CCDC102B: variants seen among roughly 807,000 people sequenced by gnomAD.
The protein encoded by CCDC102B is coiled-coil domain containing 102B, also known as coiled-coil domain-containing protein 102B.
A neutral mutation model predicts 57.4 loss-of-function variants in CCDC102B; 75 were observed. The ratio of observed to expected loss-of-function variants is 1.31; its 90% CI spans 1.08 to 1.58. The LOEUF is 1.58. Among genes scored for constraint, CCDC102B ranks in the 40% most tolerant of loss-of-function variants. The probability of loss-of-function intolerance (pLI) is 0.00; values close to 1 mark genes in which losing one functional copy is unlikely to be tolerated. For missense variants in CCDC102B, 636 were observed against 582.6 expected, an observed-to-expected ratio of 1.09 and a Z score of -0.94; for synonymous variants, 206 against 201.9, an observed-to-expected ratio of 1.02 and a Z score of -0.17.
chr18:68,866,781 G>A (rs1010063733), intron 4 of CCDC102B: 24 of 675,730 alleles, frequency 3.6e-5, no homozygotes, highest in Non-Finnish European at 5.7e-5. Context: ...TTGGTATGTC[G>A]GTGCTTTTGC....
At chr18:69,048,570 A>G (rs1031313868) in intron 7 of CCDC102B, among the ~76,000 whole-genome samples, 1 of 152,120 alleles carries the variant, frequency 6.6e-6, no homozygotes, top group Non-Finnish European at 1.5e-5. Flanking sequence ...TTACTGAAAA[A>G]TGTCCAAATG....
intron 3 of CCDC102B, among the ~76,000 whole-genome samples, chr18:68,845,181 A>G (rs2037805591): frequency 6.6e-6 from 1 of 151,840 alleles, no homozygotes; most frequent in Non-Finnish European, 1.5e-5. Context: ...GCCTAACACT[A>G]CTTTGAATTA....
In CCDC102B at chr18:68,859,894, C is replaced by T. The variant is rs1175295613; in HGVS notation, c.936+13473C>T. Among the ~76,000 whole-genome samples, 4 of 83,010 alleles carry T rather than the reference C, an allele frequency of 4.8e-5. 1 individual carries two copies. The highest frequency in any genetic ancestry group is 7.7e-4 in the East Asian group (2 of 2,598). 54.5% of individuals were successfully genotyped at this position (83,010 alleles called of 152,430 possible). A position where few individuals can be genotyped will look rare whatever the true frequency, so the allele number is the denominator to read the frequency against. On this transcript the variant is annotated intron_variant, in intron 4 of 7. Coordinates refer to ENST00000360242, the MANE Select transcript of CCDC102B (RefSeq NM_024781.3). Reference sequence around the variant, plus strand: ...TCAACCATTGTGGAGGTCAGTGTGGCGATTCCTCAGGGATCTAGAACTAGA... The same window carrying T: ...TCAACCATTGTGGAGGTCAGTGTGGTGATTCCTCAGGGATCTAGAACTAGA...
chr18:68,806,874 G>A (rs1350707968), intron 1 of CCDC102B, among the ~76,000 whole-genome samples: 2 of 151,934 alleles, frequency 1.3e-5, no homozygotes, highest in East Asian at 1.9e-4. Context: ...AGTACTCACC[G>A]AACATCACAA....
At chr18:68,727,161 G>A (rs1168803232) in intron 2 of CCDC102B, among the ~76,000 whole-genome samples, 1 of 152,208 alleles carries the variant, frequency 6.6e-6, no homozygotes, top group Non-Finnish European at 1.5e-5. Context: ...AGAGCCTGTA[G>A]TTGAAGCTGT....
chr18:68,968,225 G>T (rs766586824), intron 6 of CCDC102B, among the ~76,000 whole-genome samples: 2 of 152,102 alleles, frequency 1.3e-5, no homozygotes, highest in Non-Finnish European at 2.9e-5. Context: ...ATAGCCAACT[G>T]TTCCTGGGTA....
chr18:68,720,376 G>A (rs2032258277), intron 2 of CCDC102B, among the ~76,000 whole-genome samples: 1 of 152,104 alleles, frequency 6.6e-6, no homozygotes, highest in Non-Finnish European at 1.5e-5. Context: ...ATTTGCATTT[G>A]GTCTTAGTGA....
chr18:69,025,546 C>A (rs1481708752), intron 7 of CCDC102B, among the ~76,000 whole-genome samples: 1 of 152,160 alleles, frequency 6.6e-6, no homozygotes, highest in East Asian at 1.9e-4. Flanking sequence ...AAATTATGTT[C>A]TTAGTCTACA....
intron 2 of CCDC102B, among the ~76,000 whole-genome samples, chr18:68,772,863 C>T (rs1264052688): frequency 6.6e-6 from 1 of 151,672 alleles, no homozygotes; most frequent in Admixed American, 6.6e-5. Flanking sequence ...TATAGTTTAC[C>T]AGAAAAATTT....
chr18:68,950,356 C>G (rs1292308509), intron 6 of CCDC102B, among the ~76,000 whole-genome samples: 1 of 152,000 alleles, frequency 6.6e-6, no homozygotes, highest in Non-Finnish European at 1.5e-5. Flanking sequence ...CATTTGTATA[C>G]TTTGATAGAA....
intron 6 of CCDC102B, among the ~76,000 whole-genome samples, chr18:68,943,932 C>CA (rs1223190097): frequency 6.6e-6 from 1 of 152,002 alleles, no homozygotes; most frequent in Non-Finnish European, 1.5e-5. Flanking sequence ...CAAATGGTTA[C>CA]AAAAAAGCAA....
chr18:68,890,907 C>A (rs906524456), intron 5 of CCDC102B, among the ~76,000 whole-genome samples: 1 of 151,966 alleles, frequency 6.6e-6, no homozygotes, highest in Non-Finnish European at 1.5e-5. Flanking sequence ...AATAAAGCTG[C>A]TAATATATTC....
At chr18:68,841,813 A>C (rs1472169337) in intron 3 of CCDC102B, among the ~76,000 whole-genome samples, 2 of 152,084 alleles carry the variant, frequency 1.3e-5, no homozygotes, top group African/African-American at 2.4e-5. Flanking sequence ...GCTCACTGCA[A>C]TCTCAGCCTC....
chr18:68,908,733 TTAAA>T (rs1458130193), intron 6 of CCDC102B: 1 of 152,168 alleles, frequency 6.6e-6, no homozygotes, highest in Non-Finnish European at 1.5e-5. Context: ...GTCTTCAAAC[TTAAA>T]TAATATTAAT....
At chr18:68,927,740 T>A (rs963648321) in intron 6 of CCDC102B, among the ~76,000 whole-genome samples, 1 of 151,928 alleles carries the variant, frequency 6.6e-6, no homozygotes, top group Admixed American at 6.6e-5. Context: ...GTGAAGTTCA[T>A]TGGAGAAGAG....
chr18:68,755,437 T>G (rs2034013557), intron 2 of CCDC102B, among the ~76,000 whole-genome samples: 7 of 152,274 alleles, frequency 4.6e-5, no homozygotes, highest in Admixed American at 3.9e-4. Flanking sequence ...AATTCCATGC[T>G]TCAAAAGAAG....
chr18:68,934,296 T>G (rs983586093), intron 6 of CCDC102B, among the ~76,000 whole-genome samples: 1 of 151,988 alleles, frequency 6.6e-6, no homozygotes. Flanking sequence ...ATCAGAAAAT[T>G]GAAGATTTAG....
At chr18:68,787,579 T>G (rs1158434294) in intron 2 of CCDC102B, among the ~76,000 whole-genome samples, 5 of 151,850 alleles carry the variant, frequency 3.3e-5, no homozygotes, top group East Asian at 1.9e-4. Flanking sequence ...GTCGAGGAAT[T>G]TATCCATTTC....
At chr18:68,836,624 C>CAA (rs74175335) in intron 1 of CCDC102B, 125 bp from the exon 2 acceptor site, 118,057 of 464,834 alleles carry the variant, frequency 0.25, 10,744 homozygotes, top group Non-Finnish European at 0.29. Context: ...AAGACTCTGT[C>CAA]AAAAATAAAA....
Sources: allele counts gnomAD v4.1 joint callset (sites outside exome capture counted in the v4.1 genomes callset), GRCh38; gene constraint gnomAD v4.1.1; transcripts MANE v1.5; gene names NCBI Gene and HGNC (gene_info 2026-07-23, HGNC 2026-07-21).